Variants in GABBR2 observed in about 807,000 individuals in gnomAD.
GABBR2 encodes the protein gamma-aminobutyric acid type B receptor subunit 2, also known as G-protein coupled receptor 51.
In GABBR2, 23 loss-of-function variants were observed where a neutral mutation model predicts 105.6. The ratio of observed to expected loss-of-function variants is 0.22; its 90% CI spans 0.16 to 0.31. The LOEUF (loss-of-function observed/expected upper bound fraction) is 0.31, where lower values mean the gene tolerates loss of function less well. GABBR2 is among the 10% of genes least tolerant of loss of function. GABBR2 has a pLI of 1.00. For missense variants in GABBR2, 734 were observed against 1,245.5 expected (o/e 0.59, Z 6.18); for synonymous variants, 478 against 499.7 (o/e 0.96, Z 0.58).
chr9:98,421,289 C>T (rs1227447364), intron 7 of GABBR2, among the ~76,000 whole-genome samples: 1 of 151,924 alleles, frequency 6.6e-6, no homozygotes, highest in Admixed American at 6.6e-5. Flanking sequence ...GTTGCTGTGA[C>T]GAAAAGCAAG....
intron 9 of GABBR2, among the ~76,000 whole-genome samples, chr9:98,392,415 C>T (rs1191191986): frequency 6.6e-6 from 1 of 152,242 alleles, no homozygotes; most frequent in African/African-American, 2.4e-5. Flanking sequence ...GTGGTTACAA[C>T]AGGCTGTGTG....
At chr9:98,634,951 T>C (rs1829858576) in intron 1 of GABBR2, among the ~76,000 whole-genome samples, 1 of 152,152 alleles carries the variant, frequency 6.6e-6, no homozygotes, top group African/African-American at 2.4e-5. Context: ...CCCTCCCTTA[T>C]ACTGACATAA....
chr9:98,417,127 G>A (rs1376816735), intron 7 of GABBR2, among the ~76,000 whole-genome samples: 4 of 152,334 alleles, frequency 2.6e-5, no homozygotes, highest in East Asian at 1.9e-4. Context: ...CAAGGGCTGG[G>A]AAGCAGCAGG....
At chr9:98,415,559 C>T (rs1243207967) in intron 7 of GABBR2, among the ~76,000 whole-genome samples, 1 of 152,204 alleles carries the variant, frequency 6.6e-6, no homozygotes, top group East Asian at 1.9e-4. Flanking sequence ...TCTCTGTGCT[C>T]AGGCTTCCCT....
chr9:98,611,322 G>A (rs1829502746), intron 1 of GABBR2, among the ~76,000 whole-genome samples: 1 of 144,578 alleles, frequency 6.9e-6, no homozygotes, highest in East Asian at 2.0e-4. Flanking sequence ...CCTTGTAGCT[G>A]CATGTCTCCT....
chr9:98,515,969 G>A (rs2131704831), intron 3 of GABBR2: 1 of 152,870 alleles, frequency 6.5e-6, no homozygotes, highest in South Asian at 2.1e-4. Flanking sequence ...GAGAGGAAGA[G>A]CTTGGGTGGT....
intron 13 of GABBR2, among the ~76,000 whole-genome samples, chr9:98,322,688 T>C (rs1345361604): frequency 1.3e-5 from 2 of 150,926 alleles, no homozygotes; most frequent in Non-Finnish European, 2.9e-5. Context: ...TATGACACAG[T>C]CCATCATCTC....
intron 7 of GABBR2, among the ~76,000 whole-genome samples, chr9:98,410,505 CTTTTT>C (rs5899341): frequency 7.9e-6 from 1 of 126,482 alleles, no homozygotes; most frequent in Non-Finnish European, 1.6e-5. Context: ...GAGGGAAAAG[CTTTTT>C]TTTTTTTTTT....
At chr9:98,638,347 A>C (rs911419390) in intron 1 of GABBR2, among the ~76,000 whole-genome samples, 6 of 152,208 alleles carry the variant, frequency 3.9e-5, no homozygotes, top group African/African-American at 1.4e-4. Flanking sequence ...CAAACCCATC[A>C]GGTTAAAGCT....
chr9:98,399,640 T>C (rs895767306), intron 8 of GABBR2, among the ~76,000 whole-genome samples: 2 of 151,612 alleles, frequency 1.3e-5, no homozygotes, highest in Middle Eastern at 3.4e-3. Flanking sequence ...CTGCTAGGAG[T>C]GACAGGAAAT....
intron 1 of GABBR2, among the ~76,000 whole-genome samples, chr9:98,591,704 G>A (rs775529119): frequency 1.2e-4 from 19 of 152,170 alleles, no homozygotes; most frequent in Non-Finnish European, 2.4e-4. Flanking sequence ...AACAAGACTC[G>A]TTCAAATGAG....
intron 1 of GABBR2, among the ~76,000 whole-genome samples, chr9:98,578,344 G>A (rs1387799221): frequency 6.6e-6 from 1 of 152,076 alleles, no homozygotes; most frequent in African/African-American, 2.4e-5. Context: ...AGCACACTTA[G>A]GAAAAGTCCC....
At chr9:98,597,378 A>G (rs1564126105) in intron 1 of GABBR2, among the ~76,000 whole-genome samples, 1 of 152,234 alleles carries the variant, frequency 6.6e-6, no homozygotes, top group Non-Finnish European at 1.5e-5. Flanking sequence ...CAGCAGCCAG[A>G]AATAATAATA....
intron 1 of GABBR2, among the ~76,000 whole-genome samples, chr9:98,646,234 C>A (rs1830027790): frequency 6.6e-6 from 1 of 152,186 alleles, no homozygotes; most frequent in South Asian, 2.1e-4. Context: ...CTACTAAACA[C>A]CTGCTTTCCT....
intron 1 of GABBR2, among the ~76,000 whole-genome samples, chr9:98,679,767 A>G (rs902523298): frequency 2.6e-5 from 4 of 152,200 alleles, no homozygotes; most frequent in Non-Finnish European, 5.9e-5. Flanking sequence ...TGCCCTCTGT[A>G]TACCAAGGGG....
chr9:98,517,424 A>AT (rs1827779343), intron 3 of GABBR2, among the ~76,000 whole-genome samples: 1 of 152,094 alleles, frequency 6.6e-6, no homozygotes, highest in Non-Finnish European at 1.5e-5. Flanking sequence ...CTCCACCCAC[A>AT]TATGTGTCAG....
At chr9:98,316,692 T>C (rs1482564245) in intron 13 of GABBR2, among the ~76,000 whole-genome samples, 1 of 152,128 alleles carries the variant, frequency 6.6e-6, no homozygotes, top group Non-Finnish European at 1.5e-5. Flanking sequence ...CTTCACCAGA[T>C]AACATCAGCC....
At chr9:98,494,606 T>C (rs186566064) in intron 4 of GABBR2, among the ~76,000 whole-genome samples, 2 of 152,292 alleles carry the variant, frequency 1.3e-5, no homozygotes, top group Admixed American at 1.3e-4. Flanking sequence ...GGGTAGTTGC[T>C]AACCTCTTTG....
chr9:98,513,204 T>C (rs977512436), intron 3 of GABBR2, among the ~76,000 whole-genome samples: 5 of 151,608 alleles, frequency 3.3e-5, no homozygotes, highest in South Asian at 2.1e-4. Context: ...GCTAGCCATA[T>C]GTAGAAAGCT....
Sources: gnomAD v4.1 joint callset for allele counts (sites outside exome capture counted in the v4.1 genomes callset) on GRCh38, gnomAD v4.1.1 for gene constraint, MANE v1.5 for transcripts, NCBI Gene and HGNC (gene_info 2026-07-23, HGNC 2026-07-21) for gene names.